NAA35: variants seen among roughly 807,000 people sequenced by gnomAD.
The protein encoded by NAA35 is N-alpha-acetyltransferase 35, NatC auxiliary subunit.
NAA35 carries 18 observed loss-of-function variants against 101.7 expected under a neutral mutation model. That is an observed-to-expected ratio of 0.18 (90% CI 0.12 to 0.26). The LOEUF is 0.26. Among genes scored for constraint, NAA35 ranks in the 10% least tolerant of loss-of-function variants. The probability of loss-of-function intolerance (pLI) is 1.00; values close to 1 mark genes in which losing one functional copy is unlikely to be tolerated. For synonymous variants in NAA35, 267 were observed against 273.1 expected (o/e 0.98, Z 0.22); for missense variants, 601 against 886.8 (o/e 0.68, Z 4.09).
At chr9:85,983,690 T>C (rs1830529796) in intron 11 of NAA35, among the ~76,000 whole-genome samples, 1 of 152,064 alleles carries the variant, frequency 6.6e-6, no homozygotes, top group Admixed American at 6.5e-5. Flanking sequence ...AGGGGAGGGA[T>C]AGCATTCAGA....
intron 15 of NAA35, among the ~76,000 whole-genome samples, chr9:86,011,820 A>G (rs1335283713): frequency 6.9e-6 from 1 of 145,110 alleles, no homozygotes; most frequent in Admixed American, 7.0e-5. Flanking sequence ...GTACATCACA[A>G]ACACTCAGGT....
In NAA35 at chr9:86,016,662, GAAA is replaced by G; in HGVS notation, c.1698_1700del (p.Lys568del). 1 of 1,608,988 alleles carries G rather than the reference GAAA, an allele frequency of 6.2e-7. No individual in the cohort carries two copies. The highest frequency in any genetic ancestry group is 8.5e-7 in the Non-Finnish European group (1 of 1,178,712). On this transcript the variant is annotated inframe_deletion, in exon 18 of 23. Coordinates refer to ENST00000361671, the MANE Select transcript of NAA35 (RefSeq NM_024635.4). ...AAGGCCGTAGTAGTAAAAAAACAAAGAAAAAAAAGAAAGGTGCTGTGGATTATT... is the reference window on the plus strand; with the variant it reads ...AAGGCCGTAGTAGTAAAAAAACAAAGAAAAAGAAAGGTGCTGTGGATTATT...
chr9:85,948,231 A>G (rs1828851070), intron 2 of NAA35, among the ~76,000 whole-genome samples: 1 of 152,186 alleles, frequency 6.6e-6, no homozygotes, highest in Non-Finnish European at 1.5e-5. Context: ...GAGTAAAACC[A>G]TTACTACTTT....
At chr9:85,969,052 G>T (rs1829884620) in intron 6 of NAA35, among the ~76,000 whole-genome samples, 1 of 152,020 alleles carries the variant, frequency 6.6e-6, no homozygotes, top group Non-Finnish European at 1.5e-5. Context: ...TTGAAGTCTT[G>T]TTCTCCAGCT....
chr9:86,014,336 CAGGAGCTT>C (rs1832096991), intron 17 of NAA35: 2 of 971,830 alleles, frequency 2.1e-6, no homozygotes. Context: ...GGATTCACTT[CAGGAGCTT>C]TGGAGTTGAT....
At chr9:86,013,383 A>T (rs1832046861) in intron 16 of NAA35, among the ~76,000 whole-genome samples, 2 of 152,222 alleles carry the variant, frequency 1.3e-5, no homozygotes, top group Admixed American at 1.3e-4. Flanking sequence ...ATATGTATAA[A>T]ATGATAGTTT....
chr9:86,007,724 A>G (rs1831711279), intron 14 of NAA35, among the ~76,000 whole-genome samples: 1 of 152,194 alleles, frequency 6.6e-6, no homozygotes, highest in African/African-American at 2.4e-5. Flanking sequence ...TAGTAGAGGC[A>G]CTGCCCCGAA....
rs1267239397 is a variant in NAA35, at chr9:86,023,877, G to T, written c.*1917G>T. 1.3e-5 allele frequency among the ~76,000 whole-genome samples: 2 copies of T among 152,162 alleles called. No individual in the cohort carries two copies. Among genetic ancestry groups the T allele is most frequent in the Non-Finnish European group, 2.9e-5 (2 of 68,042 alleles). On this transcript the variant is annotated 3_prime_UTR_variant, in exon 23 of 23. Coordinates refer to ENST00000361671, the MANE Select transcript of NAA35 (RefSeq NM_024635.4). ...GGTTTTTAGTTTGTTTAGAGAGGAG[G>T]TTTCACTATGTTGCCCAAACTGACC...
Position 86,024,722 on chromosome 9 carries a change from G to A in NAA35, c.*2762G>A, listed in dbSNP as rs989113811. ...TGGTGCCACTTGTGTAGATATCTAG[G>A]CAAGGTAGGAGACCAGGTTTGGGAT... is the stretch of plus-strand genomic sequence containing the variant. On this transcript the variant is annotated 3_prime_UTR_variant, in exon 23 of 23. Transcript: ENST00000361671. Among the ~76,000 whole-genome samples, 24 of 152,052 alleles carry A rather than the reference G, an allele frequency of 1.6e-4. No individual in the cohort carries two copies. Among genetic ancestry groups the A allele is most frequent in the African/African-American group, 5.1e-4 (21 of 41,492 alleles).
chr9:86,025,025 G>A lies in NAA35; in HGVS notation c.*3065G>A, dbSNP rs1357967299. On this transcript the variant is annotated 3_prime_UTR_variant, in exon 23 of 23. Coordinates refer to ENST00000361671, the MANE Select transcript of NAA35 (RefSeq NM_024635.4). Reference sequence around the variant, plus strand: ...GGAAGAATACCTCAAAATCATACGAGGCCACTCTTTGACAAGTGTGCCTGT... The same window carrying A: ...GGAAGAATACCTCAAAATCATACGAAGCCACTCTTTGACAAGTGTGCCTGT... 6.6e-6 allele frequency among the ~76,000 whole-genome samples: 1 copy of A among 152,178 alleles called. No individual in the cohort carries two copies. Among genetic ancestry groups the A allele is most frequent in the Non-Finnish European group, 1.5e-5 (1 of 68,038 alleles).
intron 15 of NAA35, among the ~76,000 whole-genome samples, chr9:86,011,650 G>A (rs766209770): frequency 1.0e-3 from 154 of 150,868 alleles, no homozygotes; most frequent in Non-Finnish European, 1.6e-3. Context: ...AGGAGCCACC[G>A]CACCCGGCTT....
In NAA35 at chr9:85,976,560, TC is replaced by T; in HGVS notation, c.628-121del. ...TGTAAATACTAGACACGGCTTTTTTTCCCCAACTATTTTCCCCAAAAACAGA... is the reference window on the plus strand; with the variant it reads ...TGTAAATACTAGACACGGCTTTTTTTCCCAACTATTTTCCCCAAAAACAGA... On this transcript the variant is annotated intron_variant, in intron 8 of 22. Coordinates refer to ENST00000361671, the MANE Select transcript of NAA35 (RefSeq NM_024635.4). 6.6e-6 allele frequency: 4 copies of T among 606,446 alleles called. No homozygotes were observed. In the East Asian group the frequency reaches 1.3e-4, roughly 19 times the overall value. The allele number at this position is 606,446 out of a possible 1,614,324, so 37.6% of individuals were successfully genotyped here. A position where few individuals can be genotyped will look rare whatever the true frequency, so the allele number is the denominator to read the frequency against.
chr9:85,963,341 G>T (rs1445694358), intron 6 of NAA35, among the ~76,000 whole-genome samples: 2 of 147,244 alleles, frequency 1.4e-5, no homozygotes, highest in Non-Finnish European at 3.0e-5. Flanking sequence ...GGCAGTTTCG[G>T]CTCACTGCAA....
At chr9:86,011,056 A>G (rs1346279699) in intron 15 of NAA35, among the ~76,000 whole-genome samples, 2 of 151,000 alleles carry the variant, frequency 1.3e-5, no homozygotes, top group African/African-American at 4.9e-5. Context: ...CAGCCTGACC[A>G]ACGTGGAAAA....
intron 8 of NAA35, among the ~76,000 whole-genome samples, chr9:85,976,054 GACAC>G (rs1252478801): frequency 1.3e-5 from 2 of 152,008 alleles, no homozygotes; most frequent in South Asian, 2.1e-4. Flanking sequence ...TGAGCAGTTA[GACAC>G]ACACAGTGCT....
chr9:85,979,107 C>T (rs1345952689), intron 11 of NAA35, among the ~76,000 whole-genome samples: 1 of 152,180 alleles, frequency 6.6e-6, no homozygotes, highest in Non-Finnish European at 1.5e-5. Context: ...AGAAATAGCA[C>T]TTGAACATAA....
intron 2 of NAA35, among the ~76,000 whole-genome samples, chr9:85,951,938 C>T (rs541087811): frequency 1.1e-4 from 16 of 152,314 alleles, no homozygotes; most frequent in East Asian, 5.8e-4. Context: ...GCTGGGATTA[C>T]GGGCGTGAGC....
chr9:86,012,293 A>G (rs925235482), intron 15 of NAA35, among the ~76,000 whole-genome samples: 5 of 151,494 alleles, frequency 3.3e-5, no homozygotes, highest in African/African-American at 1.2e-4. Flanking sequence ...TAATTTTTGT[A>G]TTTTTATTAG....
At chr9:85,999,248 A>T (rs1831311538) in intron 12 of NAA35, among the ~76,000 whole-genome samples, 1 of 152,198 alleles carries the variant, frequency 6.6e-6, no homozygotes, top group East Asian at 1.9e-4. Flanking sequence ...TGACTATAGT[A>T]GCATATCTGG....
Sources: allele counts gnomAD v4.1 joint callset (sites outside exome capture counted in the v4.1 genomes callset), GRCh38; gene constraint gnomAD v4.1.1; transcripts MANE v1.5; gene names NCBI Gene and HGNC (gene_info 2026-07-23, HGNC 2026-07-21).